Variants in NOTCH2 observed in about 807,000 individuals in gnomAD.
NOTCH2 encodes the protein notch receptor 2.
Under a neutral mutation model 235.8 loss-of-function variants are expected in NOTCH2, and 29 were observed. The ratio of observed to expected loss-of-function variants is 0.12; its 90% CI spans 0.09 to 0.17. The LOEUF (loss-of-function observed/expected upper bound fraction) is 0.17. Ranked by LOEUF, NOTCH2 falls within the 10% of genes least tolerant of loss-of-function variation. The pLI is 1.00. For missense variants in NOTCH2, 2,285 were observed against 3,150.2 expected (o/e 0.73, Z 6.57); for synonymous variants, 1,086 against 1,141.5 (o/e 0.95, Z 0.98).
intron 1 of NOTCH2, among the ~76,000 whole-genome samples, chr1:120,063,470 G>A (rs1251237947): frequency 6.6e-6 from 1 of 152,026 alleles, no homozygotes; most frequent in Admixed American, 6.6e-5. Context: ...TTCTAATGGA[G>A]GAATAAGGAG....
Position 119,918,443 on chromosome 1 carries a change from G to C in NOTCH2, c.5892C>G (p.Ile1964Met). ...CTGCATTCACATCCGCTTGGCAGTTGATCAGTTCTGCCACCATTCCCTCCA... is the reference window on the plus strand; with the variant it reads ...CTGCATTCACATCCGCTTGGCAGTTCATCAGTTCTGCCACCATTCCCTCCA... ...LAVEGMVAELINCQADVNAVD... is the reference protein window; with the variant it reads ...LAVEGMVAELMNCQADVNAVD... Residue 1964 changes from isoleucine (I) to methionine (M), a missense_variant, in exon 32 of 34, where the codon ATC (isoleucine) becomes ATG (methionine). By Grantham distance (10) the Ile-to-Met change is conservative (BLOSUM62 1). Around this residue, in one of 6 missense-constraint regions of NOTCH2, gnomAD observed 128 missense variants for 255.9 expected, o/e 0.50. Coordinates refer to ENST00000256646, the MANE Select transcript of NOTCH2 (RefSeq NM_024408.4). 1 of 1,614,138 alleles carries C rather than the reference G, an allele frequency of 6.2e-7. No homozygotes were observed. Among genetic ancestry groups the C allele is most frequent in the Non-Finnish European group, 8.5e-7 (1 of 1,180,020 alleles).
chr1:119,942,836 AT>A (rs1286876616), intron 17 of NOTCH2, among the ~76,000 whole-genome samples: 2 of 149,530 alleles, frequency 1.3e-5, no homozygotes, highest in African/African-American at 4.9e-5. Flanking sequence ...CTTTTTCACT[AT>A]TTGTAATACA....
In NOTCH2 at chr1:119,997,164, C is replaced by A. The variant is rs782525496; in HGVS notation, c.584G>T (p.Gly195Val). ...ACCAGGCAGGTTGAGGCAGGTGCCA[C>A]CATGCTGGCAGTGTCCTGGAATGTC... ...ECDIPGHCQHGGTCLNLPGSY... is the reference protein window; with the variant it reads ...ECDIPGHCQHVGTCLNLPGSY... The change falls in exon 4 of 34, where the codon GGT becomes GTT. Residue 195 changes from glycine (G) to valine (V), a missense_variant. By Grantham distance (109) the Gly-to-Val change is moderately radical. Transcript: ENST00000256646. 1 of 1,614,010 alleles carries A rather than the reference C, an allele frequency of 6.2e-7. No homozygotes were observed.
chr1:119,918,598 G>A, intron 31 of NOTCH2, 45 bp from the exon 32 acceptor site: 1 of 1,598,704 alleles, frequency 6.3e-7, no homozygotes, highest in Non-Finnish European at 8.6e-7. Context: ...CTGGATGAAG[G>A]AAAATAATGA....
intron 23 of NOTCH2, 124 bp from the exon 24 acceptor site, chr1:119,926,735 G>A: frequency 2.6e-6 from 2 of 760,378 alleles, no homozygotes; most frequent in Non-Finnish European, 4.6e-6. Context: ...TTCAGTTCTA[G>A]GCCTGTGGTA....
intron 1 of NOTCH2, chr1:120,069,046 G>A (rs587679182): frequency 1.3e-4 from 194 of 1,441,450 alleles, no homozygotes; most frequent in African/African-American, 1.3e-3. Context: ...CTGGCACTAC[G>A]AAAAAGGAGT....
At chr1:119,982,805 T>A (rs759821859) in intron 5 of NOTCH2, among the ~76,000 whole-genome samples, 89 of 152,342 alleles carry the variant, frequency 5.8e-4, no homozygotes, top group Non-Finnish European at 1.1e-3. Flanking sequence ...GTGGTAGTTT[T>A]TGAAGGCACA....
chr1:119,950,665 C>T lies in NOTCH2; in HGVS notation c.2479+59G>A. ...ACAGACCTGGGCACTGAGACTCAGG[C>T]ACTGACAAAGCAAGGTCAAGTATCC... On this transcript the variant is annotated intron_variant, in intron 15 of 33. Coordinates refer to ENST00000256646, the MANE Select transcript of NOTCH2 (RefSeq NM_024408.4). The T allele has an allele frequency of 2.8e-6, 3 of 1,056,028 alleles. No homozygotes were observed. In the South Asian group the frequency reaches 3.8e-5, roughly 13 times the overall value. 65.4% of individuals were successfully genotyped at this position (1,056,028 alleles called of 1,614,324 possible).
intron 1 of NOTCH2, among the ~76,000 whole-genome samples, chr1:120,034,363 A>G (rs1654225540): frequency 7.5e-6 from 1 of 133,324 alleles, no homozygotes; most frequent in African/African-American, 3.1e-5. Context: ...AAAAAGCAAA[A>G]AGAAGTAGTA....
At chr1:119,935,694 A>C (rs782775459) in intron 21 of NOTCH2, 90 bp from the exon 22 acceptor site, 35 of 1,364,680 alleles carry the variant, frequency 2.6e-5, no homozygotes, top group Non-Finnish European at 3.1e-5. Context: ...CATTTCTGTG[A>C]CTGTCTCCCA....
At position 119,914,908 on chromosome 1, in the gene NOTCH2, A is replaced by G. The variant is rs941633627; in HGVS notation, c.*398T>C. 9 of 372,438 alleles carry G rather than the reference A, an allele frequency of 2.4e-5. No homozygotes were observed. The highest frequency in any genetic ancestry group is 1.8e-4 in the African/African-American group (9 of 49,804). The allele number at this position is 372,438 out of a possible 1,614,324, so 23.1% of individuals were successfully genotyped here. ...GTCAATTCAGGCAGAATTCCAGGGC[A>G]TAATTCCCAACAGGACGCTAGTGTA... On this transcript the variant is annotated 3_prime_UTR_variant, in exon 34 of 34. Transcript: ENST00000256646.
intron 32 of NOTCH2, 85 bp from the exon 33 acceptor site, chr1:119,917,847 C>T: frequency 1.1e-6 from 1 of 874,936 alleles, no homozygotes; most frequent in Non-Finnish European, 1.9e-6. Context: ...ATCTTAAACT[C>T]CCCAGAGATC....
intron 30 of NOTCH2, 43 bp from the exon 31 acceptor site, chr1:119,919,656 G>C: frequency 6.3e-7 from 1 of 1,587,556 alleles, no homozygotes; most frequent in Non-Finnish European, 8.6e-7. Context: ...AGAAGGAGAA[G>C]GTAGTTAACC....
intron 17 of NOTCH2, among the ~76,000 whole-genome samples, chr1:119,947,545 T>A (rs979465149): frequency 2.0e-5 from 3 of 152,232 alleles, no homozygotes; most frequent in Non-Finnish European, 4.4e-5. Flanking sequence ...AGAACTTTCA[T>A]ACAATTCTGG....
intron 7 of NOTCH2, 71 bp downstream of exon 7, chr1:119,968,006 T>G: frequency 6.4e-7 from 1 of 1,570,362 alleles, no homozygotes; most frequent in Non-Finnish European, 8.8e-7. Context: ...TACAGTAAAA[T>G]GTGCTTCAGT....
At chr1:120,025,258 C>T (rs1653797125) in intron 2 of NOTCH2, among the ~76,000 whole-genome samples, 1 of 149,912 alleles carries the variant, frequency 6.7e-6, no homozygotes, top group South Asian at 2.1e-4. Context: ...TTCAGAAACC[C>T]AAGAGAAAGT....
intron 31 of NOTCH2, among the ~76,000 whole-genome samples, chr1:119,918,894 G>A (rs587629489): frequency 6.6e-6 from 1 of 152,264 alleles, no homozygotes; most frequent in East Asian, 1.9e-4. Flanking sequence ...AGGATAAACA[G>A]GCATCAGGGA....
chr1:120,063,574 C>G (rs1232075202), intron 1 of NOTCH2, among the ~76,000 whole-genome samples: 7 of 152,202 alleles, frequency 4.6e-5, no homozygotes, highest in Non-Finnish European at 1.0e-4. Flanking sequence ...TAACCTTATA[C>G]CATAGCAGCT....
intron 1 of NOTCH2, among the ~76,000 whole-genome samples, chr1:120,031,142 C>G: frequency 6.6e-6 from 1 of 150,596 alleles, no homozygotes; most frequent in Non-Finnish European, 1.5e-5. Flanking sequence ...TGTGCAAGAT[C>G]AGAGAGACGC....
Sources: allele counts gnomAD v4.1 joint callset (sites outside exome capture counted in the v4.1 genomes callset), GRCh38; gene constraint gnomAD v4.1.1; regional missense constraint gnomAD v4.1.1; transcripts MANE v1.5; gene names NCBI Gene and HGNC (gene_info 2026-07-23, HGNC 2026-07-21).